TUSC3: variants seen among roughly 807,000 people sequenced by gnomAD.
TUSC3 encodes tumor suppressor candidate 3, also known as dolichyl-diphosphooligosaccharide--protein glycosyltransferase subunit TUSC3.
In TUSC3, 45 loss-of-function variants were observed where a neutral mutation model predicts 44.8. The observed-to-expected ratio is 1.00, with a 90% CI of 0.79 to 1.29. The LOEUF (loss-of-function observed/expected upper bound fraction) is 1.29, where lower values mean the gene tolerates loss of function less well. TUSC3 is among the 50% of genes most tolerant of loss of function. TUSC3 has a pLI of 0.00. For missense variants in TUSC3, 519 were observed against 437.9 expected, an observed-to-expected ratio of 1.19 and a Z score of -1.65; for synonymous variants, 212 against 152.9, an observed-to-expected ratio of 1.39 and a Z score of -2.85.
At position 15,689,564 on chromosome 8, in the gene TUSC3, G is replaced by A. The variant is rs114700837; in HGVS notation, c.798+15728G>A. 357 of 162,696 alleles carry A rather than the reference G, an allele frequency of 2.2e-3. 2 individuals carry two copies. The highest frequency in any genetic ancestry group is 8.2e-3 in the African/African-American group (342 of 41,692). The allele number at this position is 162,696 out of a possible 1,614,324, so 10.1% of individuals were successfully genotyped here. A position where few individuals can be genotyped will look rare whatever the true frequency, so the allele number is the denominator to read the frequency against. On this transcript the variant is annotated intron_variant, in intron 6 of 10. Coordinates refer to ENST00000503731, the MANE Select transcript of TUSC3 (RefSeq NM_006765.4). ...CGAAGGGATGTTGCTCAGCCATGTC[G>A]TGCAATTTAACGACACAGACACCAA...
At chr8:15,777,369 TG>T in the TUSC3 span, among the ~76,000 whole-genome samples, 3 of 152,172 alleles carry the variant, frequency 2.0e-5, no homozygotes, top group Non-Finnish European at 4.4e-5. Context: ...CGTATTTCCT[TG>T]ACTGCAGTTT....
chr8:15,468,037 C>G (rs1011683601), intron 1 of TUSC3, among the ~76,000 whole-genome samples: 14 of 152,130 alleles, frequency 9.2e-5, no homozygotes, highest in Admixed American at 7.9e-4. Context: ...AGGTAAAATA[C>G]TGATTAGTAA....
chr8:15,497,288 G>A (rs1183633071), intron 2 of TUSC3, among the ~76,000 whole-genome samples: 1 of 152,134 alleles, frequency 6.6e-6, no homozygotes, highest in East Asian at 1.9e-4. Flanking sequence ...TTTAAAGAGG[G>A]CCCAGTGATG....
At chr8:15,424,309 A>G (rs1799778101) in intron 1 of TUSC3, among the ~76,000 whole-genome samples, 3 of 151,874 alleles carry the variant, frequency 2.0e-5, no homozygotes, top group Non-Finnish European at 4.4e-5. Flanking sequence ...GGAGTGTATC[A>G]CCGCCCCTCA....
At chr8:15,440,034 A>G (rs1305770112) in intron 1 of TUSC3, among the ~76,000 whole-genome samples, 1 of 152,202 alleles carries the variant, frequency 6.6e-6, no homozygotes, top group South Asian at 2.1e-4. Flanking sequence ...CCCTACTCTC[A>G]TGGCATTTTG....
At chr8:15,822,250 T>C in the TUSC3 span, among the ~76,000 whole-genome samples, 1 of 152,170 alleles carries the variant, frequency 6.6e-6, no homozygotes, top group African/African-American at 2.4e-5. Flanking sequence ...TTATTGACTA[T>C]TCAAGTGGAG....
intron 7 of TUSC3, among the ~76,000 whole-genome samples, chr8:15,741,738 C>G (rs576941246): frequency 6.6e-6 from 1 of 151,750 alleles, no homozygotes; most frequent in East Asian, 1.9e-4. Flanking sequence ...ATCTGCAATT[C>G]TATTTGAATT....
intron 1 of TUSC3, among the ~76,000 whole-genome samples, chr8:15,423,216 A>C (rs947403096): frequency 6.6e-6 from 1 of 152,190 alleles, no homozygotes; most frequent in Admixed American, 6.5e-5. Context: ...TGGTACAGAC[A>C]CACATAGATC....
chr8:15,511,880 A>T (rs919627214), intron 2 of TUSC3, among the ~76,000 whole-genome samples: 2 of 131,626 alleles, frequency 1.5e-5, no homozygotes, highest in Non-Finnish European at 3.6e-5. Flanking sequence ...AAAAAAAAAG[A>T]AGTACTAAAT....
At chr8:15,835,863 T>C in the TUSC3 span, among the ~76,000 whole-genome samples, 1 of 132,280 alleles carries the variant, frequency 7.6e-6, no homozygotes, top group Non-Finnish European at 1.7e-5. Flanking sequence ...GAAAGAATTA[T>C]AATTTTCTGA....
At chr8:15,755,517 G>A (rs1360189055) in intron 9 of TUSC3, among the ~76,000 whole-genome samples, 1 of 152,046 alleles carries the variant, frequency 6.6e-6, no homozygotes, top group African/African-American at 2.4e-5. Flanking sequence ...GATGAGCTTA[G>A]TTGGGCTCCT....
intron 1 of TUSC3, among the ~76,000 whole-genome samples, chr8:15,463,349 G>A (rs1800372416): frequency 6.6e-6 from 1 of 152,104 alleles, no homozygotes; most frequent in African/African-American, 2.4e-5. Flanking sequence ...ATTAAAATCA[G>A]AGGAATTTTT....
At chr8:15,851,975 ATT>A in the TUSC3 span, among the ~76,000 whole-genome samples, 1 of 151,686 alleles carries the variant, frequency 6.6e-6, no homozygotes, top group Admixed American at 6.6e-5. Flanking sequence ...CTTGGATCTC[ATT>A]TTTTCTCTTG....
At chr8:15,522,963 C>G (rs996877010) in intron 2 of TUSC3, among the ~76,000 whole-genome samples, 2 of 152,122 alleles carry the variant, frequency 1.3e-5, no homozygotes, top group African/African-American at 4.8e-5. Context: ...AAATTGAAAA[C>G]CAATGCGAAG....
chr8:15,535,754 AG>A, upstream of TUSC3, among the ~76,000 whole-genome samples: 1 of 152,322 alleles, frequency 6.6e-6, no homozygotes, highest in African/African-American at 2.4e-5. Flanking sequence ...TACTATAAAA[AG>A]TTAAGGAGTG....
chr8:15,591,654 T>C (rs1197975647), intron 1 of TUSC3, among the ~76,000 whole-genome samples: 1 of 152,170 alleles, frequency 6.6e-6, no homozygotes, highest in African/African-American at 2.4e-5. Flanking sequence ...ATTTTTGACT[T>C]GTGGAGTCCA....
intron 2 of TUSC3, among the ~76,000 whole-genome samples, chr8:15,491,837 G>T (rs765098929): frequency 6.6e-6 from 1 of 152,150 alleles, no homozygotes; most frequent in Non-Finnish European, 1.5e-5. Context: ...GCTAACATTT[G>T]ATGACAACAT....
intron 1 of TUSC3, among the ~76,000 whole-genome samples, chr8:15,428,175 T>G (rs1799829183): frequency 7.3e-6 from 1 of 137,610 alleles, no homozygotes; most frequent in African/African-American, 2.7e-5. Context: ...TGTGTCCATG[T>G]GTTCTCATTG....
intron 7 of TUSC3, among the ~76,000 whole-genome samples, chr8:15,740,582 A>G (rs1811149461): frequency 6.6e-6 from 1 of 152,132 alleles, no homozygotes; most frequent in Non-Finnish European, 1.5e-5. Flanking sequence ...ACATATCAAA[A>G]GATGCTCAGA....
Sources: allele counts gnomAD v4.1 joint callset (sites outside exome capture counted in the v4.1 genomes callset), GRCh38; gene constraint gnomAD v4.1.1; transcripts MANE v1.5; gene names NCBI Gene and HGNC (gene_info 2026-07-23, HGNC 2026-07-21).